The following KDM7A variants were observed in gnomAD, a reference collection of about 807,000 sequenced individuals.
KDM7A encodes the protein lysine-specific demethylase 7A.
KDM7A carries 28 observed loss-of-function variants against 114.8 expected under a neutral mutation model. The ratio of observed to expected loss-of-function variants is 0.24; its 90% CI spans 0.18 to 0.33. KDM7A has a LOEUF of 0.33. Among genes scored for constraint, KDM7A ranks in the 10% least tolerant of loss-of-function variants. The pLI, the probability that KDM7A is intolerant of heterozygous loss-of-function variation, is 1.00. For missense variants in KDM7A, 942 were observed against 1,142.5 expected (o/e 0.82, Z 2.53); for synonymous variants, 423 against 397.8 (o/e 1.06, Z -0.75).
chr7:140,176,680 G>A lies in KDM7A; in HGVS notation c.194+64C>T. ...GGCCCGAGGGAGGCGCGGGCGGCCGGCGGCGGCGGCGGTTGGTCGGTGGCC... is the reference window on the plus strand; with the variant it reads ...GGCCCGAGGGAGGCGCGGGCGGCCGACGGCGGCGGCGGTTGGTCGGTGGCC... On this transcript the variant is annotated intron_variant, in intron 1 of 19. Transcript: ENST00000397560. The surrounding 1 kb of genome is among the most constrained non-coding windows in gnomAD (Gnocchi z 4.4). The A allele has an allele frequency of 1.0e-6, 1 of 987,700 alleles. No individual in the cohort carries two copies. Among genetic ancestry groups the A allele is most frequent in the Non-Finnish European group, 1.2e-6 (1 of 807,072 alleles). 61.2% of individuals were successfully genotyped at this position (987,700 alleles called of 1,614,324 possible). A position where few individuals can be genotyped will look rare whatever the true frequency, so the allele number is the denominator to read the frequency against.
intron 7 of KDM7A, among the ~76,000 whole-genome samples, chr7:140,123,653 G>A (rs1585150684): frequency 1.3e-5 from 2 of 152,128 alleles, no homozygotes; most frequent in South Asian, 4.1e-4. Context: ...ATGCTCAAAA[G>A]CTTTCAATTT....
intron 1 of KDM7A, among the ~76,000 whole-genome samples, chr7:140,147,608 T>C (rs1392301521): frequency 6.6e-6 from 1 of 152,142 alleles, no homozygotes; most frequent in Non-Finnish European, 1.5e-5. Context: ...ACTGAGTCAT[T>C]GTGTACCCCT....
intron 1 of KDM7A, among the ~76,000 whole-genome samples, chr7:140,170,385 A>T (rs1794625951): frequency 6.6e-6 from 1 of 152,218 alleles, no homozygotes; most frequent in Admixed American, 6.5e-5. Flanking sequence ...CACCCCTGAG[A>T]TAGAGACAGA....
intron 1 of KDM7A, among the ~76,000 whole-genome samples, chr7:140,172,070 T>C (rs1369812946): frequency 1.3e-5 from 2 of 152,048 alleles, no homozygotes. Context: ...ATACCTTAGA[T>C]TGGGAGGATG....
In KDM7A at chr7:140,089,710, C is replaced by T. The variant is rs1041292707; in HGVS notation, c.*1384G>A. 6.6e-6 allele frequency: 1 copy of T among 152,056 alleles called. No homozygotes were observed. The highest frequency in any genetic ancestry group is 1.5e-5 in the Non-Finnish European group (1 of 68,004). The allele number at this position is 152,056 out of a possible 1,614,324, so 9.4% of individuals were successfully genotyped here. Reference sequence around the variant, plus strand: ...ATGAAAACTGGCATTTAGTAAAAATCATACATAAAGGAGATAAATGAATAC... The same window carrying T: ...ATGAAAACTGGCATTTAGTAAAAATTATACATAAAGGAGATAAATGAATAC... On this transcript the variant is annotated 3_prime_UTR_variant, in exon 20 of 20. Transcript: ENST00000397560.
intron 18 of KDM7A, among the ~76,000 whole-genome samples, chr7:140,092,744 T>C (rs941494783): frequency 6.6e-6 from 1 of 152,248 alleles, no homozygotes; most frequent in African/African-American, 2.4e-5. Flanking sequence ...GTTTTCATTA[T>C]GCTAATCATC....
At chr7:140,140,163 T>G (rs1360620536) in intron 1 of KDM7A, among the ~76,000 whole-genome samples, 2 of 152,088 alleles carry the variant, frequency 1.3e-5, no homozygotes, top group South Asian at 2.1e-4. Flanking sequence ...TACCAAAACT[T>G]GGAAAGAATT....
intron 1 of KDM7A, among the ~76,000 whole-genome samples, chr7:140,147,340 A>C (rs1313875070): frequency 6.6e-6 from 1 of 152,150 alleles, no homozygotes; most frequent in Non-Finnish European, 1.5e-5. Context: ...ATTGTGGCAA[A>C]ATTTTTTAAA....
In KDM7A at chr7:140,096,541, T is replaced by G; in HGVS notation, c.2374+14A>C. ...TATGTTACTTTTTAGAGACTGATAA[T>G]TTATGTTTCTTACCACATTCCACTG... On this transcript the variant is annotated intron_variant, in intron 17 of 19. Coordinates refer to ENST00000397560, the MANE Select transcript of KDM7A (RefSeq NM_030647.2). 6.3e-7 allele frequency: 1 copy of G among 1,599,880 alleles called. No homozygotes were observed. The highest frequency in any genetic ancestry group is 8.6e-7 in the Non-Finnish European group (1 of 1,167,102).
chr7:140,158,165 C>T (rs890383350), intron 1 of KDM7A, among the ~76,000 whole-genome samples: 3 of 152,034 alleles, frequency 2.0e-5, no homozygotes, highest in Non-Finnish European at 4.4e-5. Context: ...TGGCAATGAG[C>T]AGGGAATTTT....
rs1023182973 is a variant in KDM7A at position 140,090,002 on chromosome 7, A to G, written c.*1092T>C. The G allele has an allele frequency of 6.6e-6, 1 of 152,232 alleles. No individual in the cohort carries two copies. The highest frequency in any genetic ancestry group is 1.5e-5 in the Non-Finnish European group (1 of 68,038). The allele number at this position is 152,232 out of a possible 1,614,324, so 9.4% of individuals were successfully genotyped here. A position where few individuals can be genotyped will look rare whatever the true frequency, so the allele number is the denominator to read the frequency against. ...AATAACATTTCCCAACAAATCAGGT[A>G]TGGAGCATAAAAGTATCATAAGGTA... On this transcript the variant is annotated 3_prime_UTR_variant, in exon 20 of 20. Transcript: ENST00000397560.
chr7:140,137,169 G>A (rs1244786119), intron 2 of KDM7A, among the ~76,000 whole-genome samples: 3 of 152,254 alleles, frequency 2.0e-5, no homozygotes, highest in East Asian at 1.9e-4. Flanking sequence ...AGAGTTGGAC[G>A]TCTGACCAGA....
chr7:140,096,502 TA>T, intron 17 of KDM7A, 52 bp downstream of exon 17: 1 of 1,335,880 alleles, frequency 7.5e-7, no homozygotes, highest in Non-Finnish European at 1.1e-6. Flanking sequence ...ATTGAGCCAT[TA>T]AGTTGGGCAA....
chr7:140,138,333 A>G lies in KDM7A; in HGVS notation c.280+772T>C, dbSNP rs1216056256. On this transcript the variant is annotated intron_variant, in intron 2 of 19. Coordinates refer to ENST00000397560, the MANE Select transcript of KDM7A (RefSeq NM_030647.2). ...AAATAAAAAAAAAAAAATTTATAACATAATCCAAGCCTTTTTCTCTCACAT... is the reference window on the plus strand; with the variant it reads ...AAATAAAAAAAAAAAAATTTATAACGTAATCCAAGCCTTTTTCTCTCACAT... Among the ~76,000 whole-genome samples, 3 of 152,126 alleles carry G rather than the reference A, an allele frequency of 2.0e-5. No individual in the cohort carries two copies. In the East Asian group the frequency reaches 5.8e-4, roughly 29 times the overall value.
Position 140,085,483 on chromosome 7 carries a change from C to T in KDM7A, c.*5611G>A, listed in dbSNP as rs559036758. 5.3e-5 allele frequency: 8 copies of T among 152,044 alleles called. No individual in the cohort carries two copies. Among genetic ancestry groups the T allele is most frequent in the African/African-American group, 1.9e-4 (8 of 41,372 alleles). The allele number at this position is 152,044 out of a possible 1,614,324, so 9.4% of individuals were successfully genotyped here. A position where few individuals can be genotyped will look rare whatever the true frequency, so the allele number is the denominator to read the frequency against. On this transcript the variant is annotated 3_prime_UTR_variant, in exon 20 of 20. Coordinates refer to ENST00000397560, the MANE Select transcript of KDM7A (RefSeq NM_030647.2). ...ATATTATATAATCTCTTAAAATGAACCTTTTCACCCTCTTTCCACAGCATG... is the reference window on the plus strand; with the variant it reads ...ATATTATATAATCTCTTAAAATGAATCTTTTCACCCTCTTTCCACAGCATG...
intron 12 of KDM7A, among the ~76,000 whole-genome samples, chr7:140,100,266 A>G (rs1818179432): frequency 6.6e-6 from 1 of 152,242 alleles, no homozygotes; most frequent in Non-Finnish European, 1.5e-5. Flanking sequence ...AAAACATAAA[A>G]TATGCATAAA....
chr7:140,091,202 A>G lies in KDM7A; in HGVS notation c.2732-14T>C. 1 of 1,562,098 alleles carries G rather than the reference A, an allele frequency of 6.4e-7. No individual in the cohort carries two copies. On this transcript the variant is annotated splice_polypyrimidine_tract_variant and intron_variant, in intron 19 of 19. Coordinates refer to ENST00000397560, the MANE Select transcript of KDM7A (RefSeq NM_030647.2). ...TTGGACGTTTACCTATAAAACACCA[A>G]AAGGGAGTGTAAGTAATGATGAAAA...
intron 6 of KDM7A, among the ~76,000 whole-genome samples, chr7:140,125,589 T>A (rs1459645416): frequency 2.6e-5 from 4 of 152,194 alleles, no homozygotes; most frequent in African/African-American, 9.6e-5. Context: ...TTTTTTGAGA[T>A]AGGGTCTCGC....
rs1167986580 is a variant in KDM7A, at chr7:140,088,488, T to C, written c.*2606A>G. 1 of 398,292 alleles carries C rather than the reference T, an allele frequency of 2.5e-6. No homozygotes were observed. The highest frequency in any genetic ancestry group is 3.6e-5 in the East Asian group (1 of 28,092). The allele number at this position is 398,292 out of a possible 1,614,324, so 24.7% of individuals were successfully genotyped here. A position where few individuals can be genotyped will look rare whatever the true frequency, so the allele number is the denominator to read the frequency against. On this transcript the variant is annotated 3_prime_UTR_variant, in exon 20 of 20. Coordinates refer to ENST00000397560, the MANE Select transcript of KDM7A (RefSeq NM_030647.2). ...GTCTTCCTAAGTTGCTGTGTCTGTA[T>C]GGTATAAATGAGGTTCTCTATTACT...
Sources: gnomAD v4.1 joint callset for allele counts (sites outside exome capture counted in the v4.1 genomes callset) on GRCh38, gnomAD v4.1.1 for gene constraint, Gnocchi (gnomAD v3.1) non-coding constraint, MANE v1.5 for transcripts, NCBI Gene and HGNC (gene_info 2026-07-23, HGNC 2026-07-21) for gene names.